Variants in WRN observed in about 807,000 individuals in gnomAD.
WRN encodes the protein bifunctional 3'-5' exonuclease/ATP-dependent helicase WRN.
A neutral mutation model predicts 180.7 loss-of-function variants in WRN; 149 were observed. The observed-to-expected ratio is 0.82, with a 90% CI of 0.72 to 0.94. WRN has a LOEUF of 0.94. WRN is among the 40% of genes least tolerant of loss of function. The pLI is 0.00. For synonymous variants in WRN, 548 were observed against 568.9 expected (o/e 0.96, Z 0.52); for missense variants, 1,661 against 1,700.1 (o/e 0.98, Z 0.40).
At chr8:31,070,602 C>T (rs950063703) in intron 7 of WRN, among the ~76,000 whole-genome samples, 19 of 151,972 alleles carry the variant, frequency 1.3e-4, no homozygotes, top group African/African-American at 4.4e-4. Flanking sequence ...GTGAAGAAAG[C>T]AATTGCAGTG....
intron 1 of WRN, among the ~76,000 whole-genome samples, chr8:31,043,764 A>G (rs1811743623): frequency 6.6e-6 from 1 of 152,142 alleles, no homozygotes; most frequent in South Asian, 2.1e-4. Context: ...CAAACTATCG[A>G]GTATTGAAAC....
intron 16 of WRN, among the ~76,000 whole-genome samples, chr8:31,092,986 C>T (rs1433505811): frequency 2.0e-5 from 3 of 151,950 alleles, no homozygotes; most frequent in Non-Finnish European, 4.4e-5. Flanking sequence ...CTTCTGTCAC[C>T]CAGGCTAGAG....
chr8:31,072,792 G>T (rs1356421429), intron 7 of WRN, among the ~76,000 whole-genome samples: 2 of 152,198 alleles, frequency 1.3e-5, no homozygotes, highest in African/African-American at 4.8e-5. Context: ...AGTTGCTCGG[G>T]AAAATTTACA....
At chr8:31,085,417 T>A (rs550133359) in intron 11 of WRN, among the ~76,000 whole-genome samples, 171 bp downstream of exon 11, 12 of 152,208 alleles carry the variant, frequency 7.9e-5, no homozygotes, top group Non-Finnish European at 1.5e-4. Context: ...AGTCTATGAA[T>A]AATGGGTTAG....
chr8:31,163,944 T>C (rs1270196049), intron 33 of WRN, among the ~76,000 whole-genome samples: 1 of 151,892 alleles, frequency 6.6e-6, no homozygotes, highest in African/African-American at 2.4e-5. Context: ...CCTTGAACTC[T>C]TGGGCTCAAG....
chr8:31,090,403 T>G, intron 13 of WRN, 62 bp from the exon 14 acceptor site: 1 of 1,484,912 alleles, frequency 6.7e-7, no homozygotes, highest in Non-Finnish European at 9.4e-7. Context: ...GAATGGATTT[T>G]AATTTGTACC....
At chr8:31,125,492 A>G (rs1801882735) in intron 23 of WRN, among the ~76,000 whole-genome samples, 1 of 138,568 alleles carries the variant, frequency 7.2e-6, no homozygotes. Context: ...TCACCAATGT[A>G]TCAGTCAGGG....
intron 10 of WRN, 78 bp from the exon 11 acceptor site, chr8:31,085,088 A>G: frequency 7.4e-7 from 1 of 1,350,894 alleles, no homozygotes; most frequent in East Asian, 2.4e-5. Flanking sequence ...TATCTAGTAT[A>G]TAGGAGCTTT....
intron 34 of WRN, among the ~76,000 whole-genome samples, chr8:31,169,330 CT>C (rs1310857962): frequency 6.6e-6 from 1 of 150,970 alleles, no homozygotes; most frequent in African/African-American, 2.4e-5. Flanking sequence ...TTTAAAAATT[CT>C]TTTTTTATTT....
chr8:31,037,062 T>G (rs1260637201), intron 1 of WRN, among the ~76,000 whole-genome samples: 1 of 152,224 alleles, frequency 6.6e-6, no homozygotes, highest in East Asian at 1.9e-4. Flanking sequence ...TTGTTTCTAT[T>G]ATTATTACAT....
intron 13 of WRN, 90 bp downstream of exon 13, chr8:31,089,055 C>A: frequency 9.3e-7 from 1 of 1,076,816 alleles, no homozygotes; most frequent in Non-Finnish European, 1.4e-6. Context: ...TTAACAGCAA[C>A]AGCACAACTT....
At chr8:31,105,564 T>C (rs7830684) in intron 18 of WRN, among the ~76,000 whole-genome samples, 53,552 of 152,076 alleles carry the variant, frequency 0.35, 9,692 homozygotes, top group South Asian at 0.42. Flanking sequence ...CGGGTTCAAG[T>C]GATTCTTCTG....
rs1563377258 is a variant in WRN, at chr8:31,142,608, A to G, written c.3234-18A>G. ...TGCATCTTAACATTTGAAATAATTT[A>G]ATTTTATTATTTTTTAGTTCGAAAA... On this transcript the variant is annotated intron_variant, in intron 26 of 34. Coordinates refer to ENST00000298139, the MANE Select transcript of WRN (RefSeq NM_000553.6). The G allele has an allele frequency of 1.2e-5, 19 of 1,558,122 alleles. No homozygotes were observed. The highest frequency in any genetic ancestry group is 1.4e-5 in the Non-Finnish European group (16 of 1,142,164).
At position 31,168,993 on chromosome 8, in the gene WRN, C is replaced by T. The variant is rs558320407; in HGVS notation, c.4191+1763C>T. ...GTGGATTCTTTAAATATTTAGTATTCTTTTATTTCTGGAAAGTTTTCTTAA... is the reference window on the plus strand; with the variant it reads ...GTGGATTCTTTAAATATTTAGTATTTTTTTATTTCTGGAAAGTTTTCTTAA... On this transcript the variant is annotated intron_variant, in intron 34 of 34. Coordinates refer to ENST00000298139, the MANE Select transcript of WRN (RefSeq NM_000553.6). Among the ~76,000 whole-genome samples the T allele has an allele frequency of 3.9e-5, 6 of 151,984 alleles. 1 individual carries two copies. The highest frequency in any genetic ancestry group is 1.4e-4 in the African/African-American group (6 of 41,488).
intron 5 of WRN, 42 bp downstream of exon 5, chr8:31,065,105 T>C (rs1251232442): frequency 6.3e-7 from 1 of 1,584,826 alleles, no homozygotes; most frequent in Admixed American, 1.7e-5. Flanking sequence ...GAAGATTATT[T>C]TGTGTTACAC....
chr8:31,161,835 T>C, intron 33 of WRN, among the ~76,000 whole-genome samples: 1 of 29,372 alleles, frequency 3.4e-5, no homozygotes, highest in Non-Finnish European at 9.4e-5. Flanking sequence ...CGAGACTCTG[T>C]CTCAAAAAAA....
chr8:31,116,392 G>A lies in WRN; in HGVS notation c.2312G>A (p.Cys771Tyr), dbSNP rs746161973. ...WEFEGPTIIYCPSRKMTQQVT... is the reference protein window; with the variant it reads ...WEFEGPTIIYYPSRKMTQQVT... ...TTTGAAGGTCCAACAATCATCTACT[G>A]TCCTTCTAGAAAAATGACACAACAA... Residue 771 changes from cysteine to tyrosine, a missense_variant, in exon 20 of 35, where the codon TGT (cysteine) becomes TAT (tyrosine). Around this residue, in one of 3 missense-constraint regions of WRN, gnomAD observed 1,141 missense variants for 1,149.4 expected, o/e 0.99. Coordinates refer to ENST00000298139, the MANE Select transcript of WRN (RefSeq NM_000553.6). 1.2e-6 allele frequency: 2 copies of A among 1,613,898 alleles called. No individual in the cohort carries two copies. The highest frequency in any genetic ancestry group is 1.7e-6 in the Non-Finnish European group (2 of 1,179,916).
In WRN at chr8:31,064,435, G is replaced by A. The variant is rs775196937; in HGVS notation, c.355+1G>A. 1 of 1,614,032 alleles carries A rather than the reference G, an allele frequency of 6.2e-7. No individual in the cohort carries two copies. The highest frequency in any genetic ancestry group is 8.5e-7 in the Non-Finnish European group (1 of 1,179,978). On this transcript the variant is annotated splice_donor_variant, in intron 4 of 34. Transcript: ENST00000298139. LOFTEE classifies it high-confidence loss of function. ...TTGTTCCACGTTTCTTCCATGTCAGGTTGGTATCTCTACATTTCATTTTTA... is the reference window on the plus strand; with the variant it reads ...TTGTTCCACGTTTCTTCCATGTCAGATTGGTATCTCTACATTTCATTTTTA...
chr8:31,109,297 A>C (rs1038900639), intron 18 of WRN, among the ~76,000 whole-genome samples: 1 of 152,232 alleles, frequency 6.6e-6, no homozygotes, highest in African/African-American at 2.4e-5. Flanking sequence ...AGTACTATTA[A>C]TTTTTAATAT....
Sources: allele counts gnomAD v4.1 joint callset (sites outside exome capture counted in the v4.1 genomes callset), GRCh38; gene constraint gnomAD v4.1.1; regional missense constraint gnomAD v4.1.1; transcripts MANE v1.5; gene names NCBI Gene and HGNC (gene_info 2026-07-23, HGNC 2026-07-21).